GALNT17: variants seen among roughly 807,000 people sequenced by gnomAD.
GALNT17 encodes UDP-GalNAc:polypeptide N-acetylgalactosaminyltransferase-like 3.
GALNT17 carries 29 observed loss-of-function variants against 63.7 expected under a neutral mutation model. The observed-to-expected ratio is 0.46, with a 90% CI of 0.34 to 0.62. GALNT17 has a LOEUF of 0.62. Ranked by LOEUF, GALNT17 falls within the 20% of genes least tolerant of loss-of-function variation. The probability of loss-of-function intolerance (pLI) is 0.01; values close to 1 mark genes in which losing one functional copy is unlikely to be tolerated. For missense variants in GALNT17, 603 were observed against 799.6 expected, an observed-to-expected ratio of 0.75 and a Z score of 2.97; for synonymous variants, 305 against 318.3, an observed-to-expected ratio of 0.96 and a Z score of 0.45.
At chr7:71,380,996 C>A (rs2906255) in intron 2 of GALNT17, among the ~76,000 whole-genome samples, 25,113 of 150,248 alleles carry the variant, frequency 0.17, 2,517 homozygotes, top group East Asian at 0.39. Context: ...GATCTCGCTC[C>A]GTCACCCAGG....
intron 1 of GALNT17, among the ~76,000 whole-genome samples, chr7:71,263,780 C>G (rs1203472277): frequency 6.6e-6 from 1 of 151,704 alleles, no homozygotes; most frequent in Non-Finnish European, 1.5e-5. Context: ...AAAAAGTTAG[C>G]CGGCGTGGTG....
At chr7:71,349,822 G>A (rs1792159813) in intron 2 of GALNT17, among the ~76,000 whole-genome samples, 1 of 152,138 alleles carries the variant, frequency 6.6e-6, no homozygotes, top group African/African-American at 2.4e-5. Flanking sequence ...AGTGTTTTAT[G>A]AACACAAATG....
intron 1 of GALNT17, among the ~76,000 whole-genome samples, chr7:71,304,792 C>T (rs1352693437): frequency 6.6e-6 from 1 of 151,896 alleles, no homozygotes. Flanking sequence ...TCTTGTTGCC[C>T]AGGCTGGAGT....
chr7:71,195,014 G>A (rs1789020615), intron 1 of GALNT17, among the ~76,000 whole-genome samples: 1 of 152,132 alleles, frequency 6.6e-6, no homozygotes, highest in Non-Finnish European at 1.5e-5. Flanking sequence ...CTTTGGCCAG[G>A]GGTTGATGGC....
rs377188245 is a variant in GALNT17, at chr7:71,257,995, A to T, written c.239-77555A>T. Among the ~76,000 whole-genome samples the T allele has an allele frequency of 5.3e-5, 8 of 152,208 alleles. No homozygotes were observed. The East Asian group carries it at 7.7e-4, about 15-fold the overall frequency. ...CCCTTTATGCTTCTAAACCCAAATCATCGCTCCCCTCGGCCGTATCCATGG... is the reference window on the plus strand; with the variant it reads ...CCCTTTATGCTTCTAAACCCAAATCTTCGCTCCCCTCGGCCGTATCCATGG... On this transcript the variant is annotated intron_variant, in intron 1 of 10. Coordinates refer to ENST00000333538, the MANE Select transcript of GALNT17 (RefSeq NM_022479.3).
At chr7:71,134,344 T>C (rs1346474016) in intron 1 of GALNT17, among the ~76,000 whole-genome samples, 1 of 152,174 alleles carries the variant, frequency 6.6e-6, no homozygotes, top group East Asian at 1.9e-4. Context: ...AATACAGACA[T>C]ATACCTTCTC....
At chr7:71,549,919 C>T (rs556690814) in intron 5 of GALNT17, among the ~76,000 whole-genome samples, 2 of 151,616 alleles carry the variant, frequency 1.3e-5, no homozygotes, top group African/African-American at 2.4e-5. Context: ...ATATTCTGAC[C>T]CTGCTCAAGT....
In GALNT17 at chr7:71,675,277, T is replaced by C. The variant is rs537382576; in HGVS notation, c.1405-1934T>C. On this transcript the variant is annotated intron_variant, in intron 8 of 10. Coordinates refer to ENST00000333538, the MANE Select transcript of GALNT17 (RefSeq NM_022479.3). ...GGACTACTTTAGGGCAGGGACTATGTTATTTATCTTTTGCTCATTAAATTT... is the reference window on the plus strand; with the variant it reads ...GGACTACTTTAGGGCAGGGACTATGCTATTTATCTTTTGCTCATTAAATTT... 2.0e-5 allele frequency among the ~76,000 whole-genome samples: 3 copies of C among 152,322 alleles called. No individual in the cohort carries two copies. The South Asian group carries it at 6.2e-4, about 32-fold the overall frequency.
At chr7:71,422,575 C>T (rs1056338501) in intron 5 of GALNT17, among the ~76,000 whole-genome samples, 3 of 152,342 alleles carry the variant, frequency 2.0e-5, no homozygotes, top group Non-Finnish European at 4.4e-5. Context: ...CTGCTCAAAC[C>T]CCTAGGGGGA....
At chr7:71,687,355 C>T (rs1181480673) in intron 9 of GALNT17, among the ~76,000 whole-genome samples, 2 of 152,178 alleles carry the variant, frequency 1.3e-5, no homozygotes, top group Non-Finnish European at 2.9e-5. Flanking sequence ...GCACCCGTGC[C>T]CTGCTGGCGT....
intron 1 of GALNT17, among the ~76,000 whole-genome samples, chr7:71,211,164 C>T (rs1220942133): frequency 6.6e-6 from 1 of 152,184 alleles, no homozygotes; most frequent in South Asian, 2.1e-4. Context: ...CAAATCTCAA[C>T]TTGAATTGTA....
intron 6 of GALNT17, among the ~76,000 whole-genome samples, chr7:71,610,715 C>T (rs937946252): frequency 6.6e-6 from 1 of 152,002 alleles, no homozygotes; most frequent in African/African-American, 2.4e-5. Context: ...ATCAAAAAGG[C>T]ATGATGCGGT....
rs376843417 is a variant in GALNT17, at chr7:71,388,360, T to A, written c.548T>A (p.Leu183Gln). Residue 183 changes from leucine (L) to glutamine (Q), a missense_variant, in exon 3 of 11, where the codon CTG (leucine) becomes CAG (glutamine). Coordinates refer to ENST00000333538, the MANE Select transcript of GALNT17 (RefSeq NM_022479.3). Reference protein sequence around the residue: ...HSAVNHTPTHLLKEIILVDDN... With the variant: ...HSAVNHTPTHQLKEIILVDDN... ...GCCGTCAATCACACGCCCACACACC[T>A]GCTGAAGGAAATCATTCTGGTGGAT... 1.2e-6 allele frequency: 2 copies of A among 1,613,990 alleles called. No homozygotes were observed. Among genetic ancestry groups the A allele is most frequent in the Non-Finnish European group, 1.7e-6 (2 of 1,179,998 alleles).
chr7:71,649,085 T>C (rs138389728), intron 6 of GALNT17, among the ~76,000 whole-genome samples: 1 of 152,308 alleles, frequency 6.6e-6, no homozygotes, highest in East Asian at 1.9e-4. Flanking sequence ...CCACTGGATC[T>C]CTCTCCATTT....
chr7:71,360,280 G>A lies in GALNT17; in HGVS notation c.422+24547G>A, dbSNP rs376170908. Among the ~76,000 whole-genome samples, 5 of 152,154 alleles carry A rather than the reference G, an allele frequency of 3.3e-5. No homozygotes were observed. In the East Asian group the frequency reaches 7.7e-4, roughly 24 times the overall value. ...TGTTCAAAAATTCATTCATCCGATCGACCAGATATAAATTATGACTACTAA... is the reference window on the plus strand; with the variant it reads ...TGTTCAAAAATTCATTCATCCGATCAACCAGATATAAATTATGACTACTAA... On this transcript the variant is annotated intron_variant, in intron 2 of 10. Coordinates refer to ENST00000333538, the MANE Select transcript of GALNT17 (RefSeq NM_022479.3).
intron 6 of GALNT17, among the ~76,000 whole-genome samples, chr7:71,581,951 C>G (rs951371300): frequency 6.6e-6 from 1 of 152,032 alleles, no homozygotes; most frequent in Non-Finnish European, 1.5e-5. Flanking sequence ...GGCCACAGTG[C>G]TTAGGGTGTG....
chr7:71,356,011 C>T (rs1384286790), intron 2 of GALNT17, among the ~76,000 whole-genome samples: 1 of 151,344 alleles, frequency 6.6e-6, no homozygotes, highest in Non-Finnish European at 1.5e-5. Flanking sequence ...GAGTCTTGCT[C>T]TGGTCACCCA....
At chr7:71,206,894 A>G (rs559631119) in intron 1 of GALNT17, among the ~76,000 whole-genome samples, 3 of 152,184 alleles carry the variant, frequency 2.0e-5, no homozygotes, top group African/African-American at 7.2e-5. Context: ...TCACGAGGTC[A>G]GGAGATCGAG....
At chr7:71,684,456 G>C (rs936501070) in intron 9 of GALNT17, among the ~76,000 whole-genome samples, 1 of 152,192 alleles carries the variant, frequency 6.6e-6, no homozygotes, top group East Asian at 1.9e-4. Context: ...GCAGCCCAGG[G>C]TTTGAACAGT....
Sources: gnomAD v4.1 joint callset for allele counts (sites outside exome capture counted in the v4.1 genomes callset) on GRCh38, gnomAD v4.1.1 for gene constraint, MANE v1.5 for transcripts, NCBI Gene and HGNC (gene_info 2026-07-23, HGNC 2026-07-21) for gene names.